The following DMD variants were observed in gnomAD, a reference collection of about 807,000 sequenced individuals.
The protein encoded by DMD is dystrophin, also known as mutant dystrophin.
In DMD, 63 loss-of-function variants were observed where a neutral mutation model predicts 330.1. That is an observed-to-expected ratio of 0.19 (90% CI 0.16 to 0.24). The LOEUF (loss-of-function observed/expected upper bound fraction) is 0.24. DMD is among the 10% of genes least tolerant of loss of function. The probability of loss-of-function intolerance (pLI) is 1.00; values close to 1 mark genes in which losing one functional copy is unlikely to be tolerated. For missense variants in DMD, 3,344 were observed against 2,684.1 expected, an observed-to-expected ratio of 1.25 and a Z score of -5.43; for synonymous variants, 1,223 against 959.8, an observed-to-expected ratio of 1.27 and a Z score of -5.07.
chrX:32,801,982 G>C (rs139633080), intron 7 of DMD, among the ~76,000 whole-genome samples: 1 of 111,740 alleles, frequency 8.9e-6, no homozygotes, highest in Non-Finnish European at 1.9e-5. Context: ...GGATGGTTTT[G>C]GCAATGCAGG....
At chrX:31,721,057 C>T (rs1053419638) in intron 52 of DMD, among the ~76,000 whole-genome samples, 15 of 111,270 alleles carry the variant, frequency 1.3e-4, no homozygotes, top group East Asian at 5.6e-4. Flanking sequence ...ATACAAGTTA[C>T]AATTACTCTG....
chrX:33,047,508 T>TA lies in DMD; in HGVS notation c.32-27309dup, dbSNP rs754930358. Among the ~76,000 whole-genome samples, 112 of 111,165 alleles carry TA rather than the reference T, an allele frequency of 1.0e-3. 1 individual carries two copies. The highest frequency in any genetic ancestry group is 3.5e-3 in the African/African-American group (107 of 30,629). On this transcript the variant is annotated intron_variant, in intron 1 of 78. Transcript: ENST00000357033. ...GTTTGTACTACTGGCGATTTTTTTT[T>TA]AAAAAAGCTTATGCACACCTACTTT...
chrX:31,426,210 A>AT (rs1008244094), intron 60 of DMD, among the ~76,000 whole-genome samples: 8 of 112,076 alleles, frequency 7.1e-5, no homozygotes, highest in Non-Finnish European at 1.1e-4. Flanking sequence ...GTTAAAAAAA[A>AT]ATATATTCCC....
Position 32,558,938 on chromosome X carries a change from C to CTTTTTTTTTTTT in DMD, c.1992+6752_1992+6763dup, listed in dbSNP as rs60739281. ...TATTTGAGATGTAACTTCAAATTTT[C>CTTTTTTTTTTTT]TTTTTTTTTTTTTTTTTTTTTTTTT... On this transcript the variant is annotated intron_variant, in intron 16 of 78. Transcript: ENST00000357033. Among the ~76,000 whole-genome samples, 15 of 50,814 alleles carry CTTTTTTTTTTTT rather than the reference C, an allele frequency of 3.0e-4. 1 individual carries two copies. The highest frequency in any genetic ancestry group is 1.2e-3 in the African/African-American group (12 of 9,736). The allele number at this position is 50,814 out of a possible 115,157, so 44.1% of individuals were successfully genotyped here.
intron 70 of DMD, chrX:31,178,413 G>A (rs1285937755): frequency 1.1e-6 from 1 of 949,813 alleles, no homozygotes; most frequent in Non-Finnish European, 1.3e-6. Flanking sequence ...AAGGCAATTA[G>A]TGGCTGTATT....
chrX:32,448,724 C>T, intron 26 of DMD, 86 bp from the exon 27 acceptor site: 5 of 826,657 alleles, frequency 6.0e-6, no homozygotes, highest in Non-Finnish European at 8.4e-6. Context: ...ATTTCTTTCT[C>T]ACAACATCCC....
At chrX:32,623,405 G>T (rs1204199543) in intron 11 of DMD, among the ~76,000 whole-genome samples, 3 of 111,794 alleles carry the variant, frequency 2.7e-5, no homozygotes, top group Admixed American at 9.5e-5. Context: ...GGTGACTTCA[G>T]GGAGTGGGGA....
intron 42 of DMD, among the ~76,000 whole-genome samples, chrX:32,290,216 A>C (rs1285748132): frequency 8.9e-6 from 1 of 112,074 alleles, no homozygotes; most frequent in Non-Finnish European, 1.9e-5. Flanking sequence ...CTTCTTTCTC[A>C]CGTTAAAGGG....
Position 32,729,062 on chromosome X carries a change from G to A in DMD, c.650-29769C>T, listed in dbSNP as rs974874955. Among the ~76,000 whole-genome samples, 23 of 112,161 alleles carry A rather than the reference G, an allele frequency of 2.1e-4. No individual in the cohort carries two copies. The Admixed American group carries it at 2.2e-3, about 11-fold the overall frequency. ...ACAGTACAGCAAACGGGCAACACGT[G>A]TAAGCAAGTAAGTTCAATACAGGTT... On this transcript the variant is annotated intron_variant, in intron 7 of 78. Transcript: ENST00000357033.
intron 47 of DMD, among the ~76,000 whole-genome samples, chrX:31,919,698 G>T (rs1406218098): frequency 8.9e-6 from 1 of 112,047 alleles, no homozygotes; most frequent in Non-Finnish European, 1.9e-5. Context: ...ACAATGAAAT[G>T]CTCTCGTCAA....
chrX:33,160,572 G>T (rs1314008819), intron 1 of DMD, among the ~76,000 whole-genome samples: 2 of 112,276 alleles, frequency 1.8e-5, no homozygotes, highest in Non-Finnish European at 3.8e-5. Context: ...CATAAATTTG[G>T]CAGGGCAAAG....
At chrX:32,241,393 C>A (rs1293304112) in intron 43 of DMD, among the ~76,000 whole-genome samples, 5 of 112,715 alleles carry the variant, frequency 4.4e-5, no homozygotes, top group East Asian at 5.6e-4. Flanking sequence ...TTTATTCTTA[C>A]ACCTACATAG....
intron 44 of DMD, among the ~76,000 whole-genome samples, chrX:32,020,281 T>C (rs1051068292): frequency 5.3e-5 from 6 of 112,706 alleles, no homozygotes; most frequent in African/African-American, 1.6e-4. Flanking sequence ...TTCACACTTA[T>C]GAGAAATTCA....
intron 18 of DMD, among the ~76,000 whole-genome samples, chrX:32,502,735 G>T (rs768541984): frequency 2.3e-4 from 26 of 111,857 alleles, no homozygotes; most frequent in African/African-American, 7.1e-4. Context: ...GAGGCAGAAG[G>T]TTATTCTACA....
At chrX:31,564,802 GACA>G (rs1377277140) in intron 55 of DMD, among the ~76,000 whole-genome samples, 2 of 111,583 alleles carry the variant, frequency 1.8e-5, no homozygotes, top group African/African-American at 6.5e-5. Context: ...CATTTACTCA[GACA>G]ACAACTTTTA....
chrX:32,736,408 G>A (rs777755638), intron 7 of DMD, among the ~76,000 whole-genome samples: 89 of 111,003 alleles, frequency 8.0e-4, no homozygotes, highest in East Asian at 1.1e-3. Flanking sequence ...CAGCCATCCC[G>A]TTACTGGGTA....
chrX:32,400,348 G>C (rs1414553468), intron 30 of DMD, among the ~76,000 whole-genome samples: 1 of 111,243 alleles, frequency 9.0e-6, no homozygotes, highest in Non-Finnish European at 1.9e-5. Context: ...TGTGCTGCTG[G>C]ATTCGTTTTG....
intron 47 of DMD, among the ~76,000 whole-genome samples, chrX:31,892,999 T>C (rs760114356): frequency 8.9e-6 from 1 of 112,269 alleles, no homozygotes; most frequent in South Asian, 3.7e-4. Context: ...TGGCTCACAT[T>C]ACGCTCTGTA....
intron 43 of DMD, among the ~76,000 whole-genome samples, chrX:32,278,167 T>G (rs10856409): frequency 0.31 from 33,881 of 110,085 alleles, 3,878 homozygotes; most frequent in East Asian, 0.62. Flanking sequence ...GGCTCATTAG[T>G]GGCTACTATG....
Sources: allele counts gnomAD v4.1 joint callset (sites outside exome capture counted in the v4.1 genomes callset), GRCh38; gene constraint gnomAD v4.1.1; transcripts MANE v1.5; gene names NCBI Gene and HGNC (gene_info 2026-07-23, HGNC 2026-07-21).